Variants in RYR2 observed in about 807,000 individuals in gnomAD.
The protein encoded by RYR2 is cardiac muscle ryanodine receptor-calcium release channel.
Under a neutral mutation model 601.1 loss-of-function variants are expected in RYR2, and 227 were observed. The observed-to-expected ratio is 0.38, with a 90% CI of 0.34 to 0.42. The LOEUF (loss-of-function observed/expected upper bound fraction) is 0.42, where lower values mean the gene tolerates loss of function less well. Among genes scored for constraint, RYR2 ranks in the 10% least tolerant of loss-of-function variants. The pLI is 1.00. For synonymous variants in RYR2, 2,223 were observed against 2,175.1 expected (o/e 1.02, Z -0.61); for missense variants, 4,646 against 6,156.5 (o/e 0.75, Z 8.21).
intron 1 of RYR2, among the ~76,000 whole-genome samples, chr1:237,082,557 A>ATATATATATATATATATAT (rs1558200785): frequency 9.1e-6 from 1 of 110,008 alleles, no homozygotes; most frequent in African/African-American, 3.3e-5. Flanking sequence ...ATATATATAT[A>ATATATATATATATATATAT]AAATCGGATA....
intron 76 of RYR2, among the ~76,000 whole-genome samples, chr1:237,729,876 G>T (rs1158398623): frequency 6.6e-6 from 1 of 152,108 alleles, no homozygotes; most frequent in Non-Finnish European, 1.5e-5. Flanking sequence ...TGCTTATCGA[G>T]AGACATGTTA....
chr1:237,504,565 G>A (rs10802615), intron 22 of RYR2, among the ~76,000 whole-genome samples: 35,481 of 152,146 alleles, frequency 0.23, 4,955 homozygotes, highest in Middle Eastern at 0.4. Flanking sequence ...CAGGGGATGC[G>A]AAGGCTTGGC....
chr1:237,644,551 A>G (rs886418730), intron 48 of RYR2, among the ~76,000 whole-genome samples: 5 of 152,198 alleles, frequency 3.3e-5, no homozygotes, highest in African/African-American at 1.2e-4. Flanking sequence ...TGTTCTTTTC[A>G]TGAGTAAGGA....
At chr1:237,166,036 A>T (rs1008882410) in intron 1 of RYR2, among the ~76,000 whole-genome samples, 1 of 152,134 alleles carries the variant, frequency 6.6e-6, no homozygotes, top group African/African-American at 2.4e-5. Flanking sequence ...AAAACCCACA[A>T]AAACTTTAAA....
chr1:237,599,899 G>A (rs940534121), intron 34 of RYR2, among the ~76,000 whole-genome samples: 2 of 151,666 alleles, frequency 1.3e-5, no homozygotes, highest in African/African-American at 4.8e-5. Context: ...TAAAACATTG[G>A]TGAAATAAAT....
intron 2 of RYR2, among the ~76,000 whole-genome samples, chr1:237,318,496 G>A (rs1000808786): frequency 2.0e-5 from 3 of 152,072 alleles, no homozygotes; most frequent in South Asian, 2.1e-4. Context: ...ACTTTCTTTT[G>A]TATTTAACTG....
At chr1:237,569,763 G>T (rs1672469478) in intron 29 of RYR2, among the ~76,000 whole-genome samples, 2 of 152,182 alleles carry the variant, frequency 1.3e-5, no homozygotes, top group South Asian at 4.1e-4. Flanking sequence ...TCTTTGTATA[G>T]ATTACAGATT....
At chr1:237,195,307 G>T (rs1033931741) in intron 1 of RYR2, among the ~76,000 whole-genome samples, 1 of 152,200 alleles carries the variant, frequency 6.6e-6, no homozygotes, top group African/African-American at 2.4e-5. Context: ...AAACTGGAGT[G>T]CAATGATGTG....
intron 58 of RYR2, among the ~76,000 whole-genome samples, chr1:237,669,660 G>A (rs1296525934): frequency 6.6e-6 from 1 of 150,906 alleles, no homozygotes; most frequent in Non-Finnish European, 1.5e-5. Context: ...GGGGCGGCAG[G>A]GCAGAGGCGG....
At position 237,784,625 on chromosome 1, in the gene RYR2, T is replaced by C. The variant is rs1477602829; in HGVS notation, c.12913T>C (p.Phe4305Leu). The stretch of plus-strand genomic sequence containing the variant: ...CTTCGTGGCCAGCGTTTTCAGAGGC[T>C]TTTTCCGCATCATTTGCAGCCTGCT... ...LHFVASVFRG[F>L]FRIICSLLLG... Residue 4305 changes from phenylalanine to leucine, a missense_variant, in exon 90 of 105, where the codon TTT (phenylalanine) becomes CTT (leucine). Coordinates refer to ENST00000366574, the MANE Select transcript of RYR2 (RefSeq NM_001035.3). This position sits in a 1 kb window ranked among gnomAD's most constrained non-coding sequence, Gnocchi z 7.1. The C allele has an allele frequency of 5.0e-6, 8 of 1,613,602 alleles. No individual in the cohort carries two copies. The highest frequency in any genetic ancestry group is 1.6e-4 in the Middle Eastern group (1 of 6,084).
chr1:237,811,193 A>G (rs1279933675), intron 100 of RYR2, among the ~76,000 whole-genome samples: 3 of 152,130 alleles, frequency 2.0e-5, no homozygotes, highest in Admixed American at 2.0e-4. Flanking sequence ...ACATGCAGTG[A>G]CTGTTCCCTG....
chr1:237,407,453 G>A (rs1704011092), intron 10 of RYR2, among the ~76,000 whole-genome samples: 1 of 152,118 alleles, frequency 6.6e-6, no homozygotes, highest in African/African-American at 2.4e-5. Context: ...TAATGTTGCA[G>A]TATTCCAGGT....
chr1:237,299,281 G>C (rs1693118863), intron 2 of RYR2, among the ~76,000 whole-genome samples: 1 of 152,044 alleles, frequency 6.6e-6, no homozygotes, highest in African/African-American at 2.4e-5. Flanking sequence ...TCATTGACCA[G>C]AGTGTTTTCA....
In RYR2 at chr1:237,792,340, C is replaced by T. The variant is rs370936489; in HGVS notation, c.13782+17C>T. The T allele has an allele frequency of 3.9e-6, 6 of 1,541,876 alleles. No homozygotes were observed. The African/African-American group carries it at 7.0e-5, about 18-fold the overall frequency. ...TGCTTGAAAGTAAGATAGTAAGGCACCAAGGTACCTGTGTGTGTGTGTGTG... is the reference window on the plus strand; with the variant it reads ...TGCTTGAAAGTAAGATAGTAAGGCATCAAGGTACCTGTGTGTGTGTGTGTG... On this transcript the variant is annotated intron_variant, in intron 94 of 104. Coordinates refer to ENST00000366574, the MANE Select transcript of RYR2 (RefSeq NM_001035.3).
At chr1:237,268,666 G>A (rs549740231) in intron 1 of RYR2, among the ~76,000 whole-genome samples, 12 of 151,986 alleles carry the variant, frequency 7.9e-5, no homozygotes, top group South Asian at 4.2e-4. Flanking sequence ...AGCCGGGTGC[G>A]GTGGCTCACA....
chr1:237,200,710 C>T (rs1232851135), intron 1 of RYR2, among the ~76,000 whole-genome samples: 1 of 152,116 alleles, frequency 6.6e-6, no homozygotes, highest in Non-Finnish European at 1.5e-5. Flanking sequence ...GGTTGATACC[C>T]CTCTTTCTTC....
At position 237,127,258 on chromosome 1, in the gene RYR2, G is replaced by A. The variant is rs1379279361; in HGVS notation, c.48+84689G>A. 8.9e-4 allele frequency among the ~76,000 whole-genome samples: 134 copies of A among 150,946 alleles called. 1 individual carries two copies. In the East Asian group the frequency reaches 0.022, roughly 25 times the overall value. On this transcript the variant is annotated intron_variant, in intron 1 of 104. Coordinates refer to ENST00000366574, the MANE Select transcript of RYR2 (RefSeq NM_001035.3). The stretch of plus-strand genomic sequence containing the variant: ...CTTTCCCGCCTTTCTATTCCACAAA[G>A]CCGCCATTGTCATCCTGGCCCGTTC...
intron 27 of RYR2, among the ~76,000 whole-genome samples, chr1:237,554,700 C>T (rs1402164447): frequency 2.0e-5 from 3 of 151,830 alleles, no homozygotes; most frequent in Non-Finnish European, 4.4e-5. Context: ...ATTTGTGTGT[C>T]AACTTTGATA....
chr1:237,372,201 C>T (rs982904279), intron 6 of RYR2, among the ~76,000 whole-genome samples: 11 of 152,174 alleles, frequency 7.2e-5, no homozygotes, highest in South Asian at 2.1e-4. Context: ...AATACATGGA[C>T]GTGATTTTAA....
Sources: gnomAD v4.1 joint callset for allele counts (sites outside exome capture counted in the v4.1 genomes callset) on GRCh38, gnomAD v4.1.1 for gene constraint, Gnocchi (gnomAD v3.1) non-coding constraint, MANE v1.5 for transcripts, NCBI Gene and HGNC (gene_info 2026-07-23, HGNC 2026-07-21) for gene names.